The following RASL10B variants were observed in gnomAD, a reference collection of about 807,000 sequenced individuals.
RASL10B encodes the protein ras-like protein family member 10B.
Under a neutral mutation model 20.7 loss-of-function variants are expected in RASL10B, and 10 were observed. The observed-to-expected ratio is 0.48, with a 90% confidence interval of 0.30 to 0.82. The LOEUF is 0.82. RASL10B is among the 40% of genes least tolerant of loss of function. RASL10B has a pLI of 0.07. For missense variants in RASL10B, 231 were observed against 295.4 expected (o/e 0.78, Z 1.60); for synonymous variants, 110 against 123.3 (o/e 0.89, Z 0.72).
rs373548797 is a variant in RASL10B, at chr17:35,735,168, G to T, written c.-17G>T. Reference sequence around the variant, plus strand: ...CAGACAGCGGCAAGGACGAGGTGGCGGAGTGGGGCGGGAGGCATGGTCTCC... The same window carrying T: ...CAGACAGCGGCAAGGACGAGGTGGCTGAGTGGGGCGGGAGGCATGGTCTCC... On this transcript the variant is annotated 5_prime_UTR_variant, in exon 2 of 4. Coordinates refer to ENST00000603017, the MANE Select transcript of RASL10B (RefSeq NM_033315.4). This position sits in a 1 kb window ranked among gnomAD's most constrained non-coding sequence, Gnocchi z 6.7. The T allele has an allele frequency of 2.5e-6, 4 of 1,600,894 alleles. No individual in the cohort carries two copies. The highest frequency in any genetic ancestry group is 3.4e-6 in the Non-Finnish European group (4 of 1,175,074).
In RASL10B at chr17:35,731,697, C is replaced by A. The variant is rs1194902646; in HGVS notation, c.-329C>A. 1 of 151,916 alleles carries A rather than the reference C, an allele frequency of 6.6e-6. No individual in the cohort carries two copies. Among genetic ancestry groups the A allele is most frequent in the Non-Finnish European group, 1.5e-5 (1 of 67,926 alleles). 9.4% of individuals were successfully genotyped at this position (151,916 alleles called of 1,614,324 possible). Reference sequence around the variant, plus strand: ...GAGAGCTGGGGCTGGAGGTTCCTACCCCCTCGGCGGCCCGCATCTGCCCCC... The same window carrying A: ...GAGAGCTGGGGCTGGAGGTTCCTACACCCTCGGCGGCCCGCATCTGCCCCC... On this transcript the variant is annotated 5_prime_UTR_variant, in exon 1 of 4. Transcript: ENST00000603017.
Position 35,735,481 on chromosome 17 carries a change from G to A in RASL10B, c.216+81G>A, listed in dbSNP as rs1444867296. ...GCTGGATTCCAAACTGCTGTAGCTT[G>A]GGCCCTATTGCCAGGGCCCCATCAC... On this transcript the variant is annotated intron_variant, in intron 2 of 3. Transcript: ENST00000603017. This position sits in a 1 kb window ranked among gnomAD's most constrained non-coding sequence, Gnocchi z 6.7. The A allele has an allele frequency of 1.4e-6, 2 of 1,417,434 alleles. No homozygotes were observed. The highest frequency in any genetic ancestry group is 1.4e-5 in the African/African-American group (1 of 70,752). 87.8% of individuals were successfully genotyped at this position (1,417,434 alleles called of 1,614,324 possible).
At chr17:35,732,539 G>C (rs1258441870) in intron 1 of RASL10B, among the ~76,000 whole-genome samples, 2 of 152,204 alleles carry the variant, frequency 1.3e-5, no homozygotes, top group South Asian at 2.1e-4. Context: ...AAGGGGCACC[G>C]ATCGCTTCTG....
intron 1 of RASL10B, among the ~76,000 whole-genome samples, chr17:35,732,737 C>T (rs147391385): frequency 6.6e-6 from 1 of 152,030 alleles, no homozygotes; most frequent in Non-Finnish European, 1.5e-5. Context: ...AGGGTGCATC[C>T]TAGAAATCTC....
chr17:35,732,432 G>C (rs1232570539), intron 1 of RASL10B, among the ~76,000 whole-genome samples: 1 of 152,254 alleles, frequency 6.6e-6, no homozygotes, highest in African/African-American at 2.4e-5. Context: ...CAGGGGCCTG[G>C]GCCCTGCTTC....
chr17:35,742,474 C>T lies in RASL10B; in HGVS notation c.*1169C>T, dbSNP rs1264971339. The T allele has an allele frequency of 2.0e-5, 3 of 152,732 alleles. No individual in the cohort carries two copies. The highest frequency in any genetic ancestry group is 4.8e-5 in the African/African-American group (2 of 41,466). 9.5% of individuals were successfully genotyped at this position (152,732 alleles called of 1,614,324 possible). ...AGATGGAGGCCCTCAGGATCTGACA[C>T]CCTCTTGTCCCAACACCAGTCAGCC... is the stretch of plus-strand genomic sequence containing the variant. On this transcript the variant is annotated 3_prime_UTR_variant, in exon 4 of 4. Transcript: ENST00000603017.
rs2143020940 is a variant in RASL10B at position 35,743,177 on chromosome 17, C to A, written c.*1872C>A. ...GGGCCTGCCCCTTTAGTCTCCTGCACCCCTGCCCCCTGGTTCACCAGAGGG... is the reference window on the plus strand; with the variant it reads ...GGGCCTGCCCCTTTAGTCTCCTGCAACCCTGCCCCCTGGTTCACCAGAGGG... On this transcript the variant is annotated 3_prime_UTR_variant, in exon 4 of 4. Coordinates refer to ENST00000603017, the MANE Select transcript of RASL10B (RefSeq NM_033315.4). 1 of 152,908 alleles carries A rather than the reference C, an allele frequency of 6.5e-6. No individual in the cohort carries two copies. The highest frequency in any genetic ancestry group is 1.9e-4 in the East Asian group (1 of 5,182). 9.5% of individuals were successfully genotyped at this position (152,908 alleles called of 1,614,324 possible).
At chr17:35,733,469 C>G (rs1555596645) in intron 1 of RASL10B, among the ~76,000 whole-genome samples, 1 of 152,234 alleles carries the variant, frequency 6.6e-6, no homozygotes, top group African/African-American at 2.4e-5. Context: ...TGCGCACATA[C>G]CCCGTGGAGT....
At chr17:35,740,848 GA>G (rs1231143064) in intron 3 of RASL10B, among the ~76,000 whole-genome samples, 186 bp from the exon 4 acceptor site, 1 of 152,236 alleles carries the variant, frequency 6.6e-6, no homozygotes, top group Non-Finnish European at 1.5e-5. Context: ...GTAAAATGGG[GA>G]TAACAGTAGA....
At chr17:35,738,898 A>G (rs1307131046) in intron 2 of RASL10B, among the ~76,000 whole-genome samples, 1 of 151,948 alleles carries the variant, frequency 6.6e-6, no homozygotes, top group African/African-American at 2.4e-5. Flanking sequence ...CATCCCTCCC[A>G]CTTCTCACTG....
intron 2 of RASL10B, chr17:35,736,801 C>T (rs1282939112): frequency 6.6e-6 from 1 of 152,182 alleles, no homozygotes; most frequent in Admixed American, 6.5e-5. Flanking sequence ...GTCGCCCAGG[C>T]TGGAGTGCAG....
chr17:35,733,278 A>T lies in RASL10B; in HGVS notation c.-148+1400A>T, dbSNP rs76665327. On this transcript the variant is annotated intron_variant, in intron 1 of 3. Transcript: ENST00000603017. ...TTAGATGAATGAATGACCCCTGCCC[A>T]TAGCAGTGGTCACTGTTTATTGAAC... 5.9e-5 allele frequency among the ~76,000 whole-genome samples: 9 copies of T among 152,306 alleles called. No homozygotes were observed. The East Asian group carries it at 1.7e-3, about 29-fold the overall frequency.
Position 35,742,276 on chromosome 17 carries a change from G to A in RASL10B, c.*971G>A, listed in dbSNP as rs927682571. ...AGGATGGTGCCCAGAAGGGGGTTAG[G>A]TTGTCCCAGTGAAAATTCTGTTGCC... is the stretch of plus-strand genomic sequence containing the variant. On this transcript the variant is annotated 3_prime_UTR_variant, in exon 4 of 4. Coordinates refer to ENST00000603017, the MANE Select transcript of RASL10B (RefSeq NM_033315.4). 6.6e-6 allele frequency: 1 copy of A among 152,382 alleles called. No individual in the cohort carries two copies. The highest frequency in any genetic ancestry group is 2.1e-4 in the South Asian group (1 of 4,828). 9.4% of individuals were successfully genotyped at this position (152,382 alleles called of 1,614,324 possible). A position where few individuals can be genotyped will look rare whatever the true frequency, so the allele number is the denominator to read the frequency against.
In RASL10B at chr17:35,732,161, C is replaced by T. The variant is rs587654599; in HGVS notation, c.-148+283C>T. Among the ~76,000 whole-genome samples the T allele has an allele frequency of 2.6e-5, 4 of 152,294 alleles. No individual in the cohort carries two copies. In the South Asian group the frequency reaches 6.2e-4, roughly 24 times the overall value. Reference sequence around the variant, plus strand: ...ATCAGGTCATGGGGAGCGCAGCATCCTCTGTCGCCCCCAGCCCACCCCCAG... The same window carrying T: ...ATCAGGTCATGGGGAGCGCAGCATCTTCTGTCGCCCCCAGCCCACCCCCAG... On this transcript the variant is annotated intron_variant, in intron 1 of 3. Transcript: ENST00000603017.
chr17:35,735,478 C>G lies in RASL10B; in HGVS notation c.216+78C>G. The stretch of plus-strand genomic sequence containing the variant: ...GAGGCTGGATTCCAAACTGCTGTAG[C>G]TTGGGCCCTATTGCCAGGGCCCCAT... On this transcript the variant is annotated intron_variant, in intron 2 of 3. Coordinates refer to ENST00000603017, the MANE Select transcript of RASL10B (RefSeq NM_033315.4). This position sits in a 1 kb window ranked among gnomAD's most constrained non-coding sequence, Gnocchi z 6.7. The G allele has an allele frequency of 4.8e-6, 7 of 1,450,724 alleles. No individual in the cohort carries two copies. In the South Asian group the frequency reaches 8.5e-5, roughly 18 times the overall value. The allele number at this position is 1,450,724 out of a possible 1,614,324, so 89.9% of individuals were successfully genotyped here. A position where few individuals can be genotyped will look rare whatever the true frequency, so the allele number is the denominator to read the frequency against.
At position 35,741,466 on chromosome 17, in the gene RASL10B, G is replaced by C. The variant is rs1158440553; in HGVS notation, c.*161G>C. Reference sequence around the variant, plus strand: ...CCGGTGAGAAGCAGAGCGCGAGAGGGAGCCCTCCGTAACTGCCCAGCCCTG... The same window carrying C: ...CCGGTGAGAAGCAGAGCGCGAGAGGCAGCCCTCCGTAACTGCCCAGCCCTG... On this transcript the variant is annotated 3_prime_UTR_variant, in exon 4 of 4. Transcript: ENST00000603017. 6.1e-6 allele frequency: 7 copies of C among 1,138,534 alleles called. No individual in the cohort carries two copies. The highest frequency in any genetic ancestry group is 1.6e-5 in the African/African-American group (1 of 60,728). The allele number at this position is 1,138,534 out of a possible 1,614,324, so 70.5% of individuals were successfully genotyped here. A position where few individuals can be genotyped will look rare whatever the true frequency, so the allele number is the denominator to read the frequency against.
intron 2 of RASL10B, among the ~76,000 whole-genome samples, chr17:35,736,425 C>T (rs587736718): frequency 1.3e-3 from 197 of 152,304 alleles, no homozygotes; most frequent in Non-Finnish European, 2.4e-3. Flanking sequence ...TCAGCACTCT[C>T]GGCAACACCA....
intron 1 of RASL10B, among the ~76,000 whole-genome samples, chr17:35,732,798 C>G (rs2085566455): frequency 6.6e-6 from 1 of 152,094 alleles, no homozygotes; most frequent in Non-Finnish European, 1.5e-5. Flanking sequence ...CGTTCCTTGC[C>G]CTCTCTTCCT....
chr17:35,735,499 C>G lies in RASL10B; in HGVS notation c.216+99C>G. 1 of 1,212,780 alleles carries G rather than the reference C, an allele frequency of 8.2e-7. No homozygotes were observed. Among genetic ancestry groups the G allele is most frequent in the Admixed American group, 2.0e-5 (1 of 50,180 alleles). The allele number at this position is 1,212,780 out of a possible 1,614,324, so 75.1% of individuals were successfully genotyped here. On this transcript the variant is annotated intron_variant, in intron 2 of 3. Coordinates refer to ENST00000603017, the MANE Select transcript of RASL10B (RefSeq NM_033315.4). This position sits in a 1 kb window ranked among gnomAD's most constrained non-coding sequence, Gnocchi z 6.7. ...GTAGCTTGGGCCCTATTGCCAGGGC[C>G]CCATCACTGAGTTTGGGAGCTCCAC...
Sources: allele counts gnomAD v4.1 joint callset (sites outside exome capture counted in the v4.1 genomes callset), GRCh38; gene constraint gnomAD v4.1.1; non-coding constraint Gnocchi (gnomAD v3.1); transcripts MANE v1.5; gene names NCBI Gene and HGNC (gene_info 2026-07-23, HGNC 2026-07-21).